Variants in UNC5C observed in about 807,000 individuals in gnomAD.
UNC5C encodes netrin receptor UNC5C.
UNC5C carries 47 observed loss-of-function variants against 99.8 expected under a neutral mutation model. That is an observed-to-expected ratio of 0.47 (90% CI 0.37 to 0.60). The LOEUF (loss-of-function observed/expected upper bound fraction) is 0.60, where lower values mean the gene tolerates loss of function less well. UNC5C is among the 20% of genes least tolerant of loss of function. UNC5C has a pLI of 0.00. For missense variants in UNC5C, 1,062 were observed against 1,165.9 expected (o/e 0.91, Z 1.30); for synonymous variants, 487 against 452.2 (o/e 1.08, Z -0.98).
At chr4:95,465,229 T>C (rs1270537320) in intron 1 of UNC5C, among the ~76,000 whole-genome samples, 14 of 152,158 alleles carry the variant, frequency 9.2e-5, no homozygotes, top group Admixed American at 6.5e-4. Flanking sequence ...ATGAGTTATT[T>C]TGAAGAGACT....
chr4:95,537,976 A>G (rs1207596509), intron 1 of UNC5C, among the ~76,000 whole-genome samples: 1 of 152,206 alleles, frequency 6.6e-6, no homozygotes, highest in Non-Finnish European at 1.5e-5. Flanking sequence ...CTTCTATGGA[A>G]ACAACTCTTT....
At chr4:95,535,320 A>C (rs1314250078) in intron 1 of UNC5C, among the ~76,000 whole-genome samples, 1 of 152,186 alleles carries the variant, frequency 6.6e-6, no homozygotes, top group African/African-American at 2.4e-5. Flanking sequence ...TTATTGGTCC[A>C]TATGACATTC....
chr4:95,183,436 C>T (rs1736698023), intron 13 of UNC5C, among the ~76,000 whole-genome samples: 1 of 152,110 alleles, frequency 6.6e-6, no homozygotes, highest in African/African-American at 2.4e-5. Context: ...CACACACCAG[C>T]CATTGCTCAT....
chr4:95,477,512 A>G (rs148806486), intron 1 of UNC5C, among the ~76,000 whole-genome samples: 1 of 152,168 alleles, frequency 6.6e-6, no homozygotes, highest in East Asian at 1.9e-4. Context: ...GAGGGGCACC[A>G]TTGCCTCCCA....
chr4:95,373,863 T>C (rs942057004), intron 1 of UNC5C, among the ~76,000 whole-genome samples: 1 of 152,198 alleles, frequency 6.6e-6, no homozygotes, highest in Non-Finnish European at 1.5e-5. Context: ...AATTATTTCA[T>C]CTTAGTTTGT....
chr4:95,235,770 G>A (rs1429222018), intron 7 of UNC5C, among the ~76,000 whole-genome samples: 2 of 152,034 alleles, frequency 1.3e-5, no homozygotes, highest in African/African-American at 4.8e-5. Flanking sequence ...TTTTTGAGTG[G>A]GCAAAGGATA....
chr4:95,341,504 A>AAG (rs1743578474), intron 1 of UNC5C, among the ~76,000 whole-genome samples: 1 of 148,608 alleles, frequency 6.7e-6, no homozygotes, highest in Admixed American at 6.8e-5. Flanking sequence ...AAGAAGAAAG[A>AAG]GAGAGAAAGA....
intron 3 of UNC5C, among the ~76,000 whole-genome samples, chr4:95,292,656 A>T (rs1741520260): frequency 6.6e-6 from 1 of 152,202 alleles, no homozygotes. Flanking sequence ...GCTATGCAGA[A>T]ACGTAATAAG....
At chr4:95,271,675 G>A (rs1007113636) in intron 4 of UNC5C, among the ~76,000 whole-genome samples, 1 of 152,150 alleles carries the variant, frequency 6.6e-6, no homozygotes, top group Non-Finnish European at 1.5e-5. Context: ...AACCCATAAA[G>A]GTGTCCCTAA....
chr4:95,194,940 C>G (rs1044534038), intron 12 of UNC5C, among the ~76,000 whole-genome samples: 11 of 152,226 alleles, frequency 7.2e-5, no homozygotes, highest in African/African-American at 2.6e-4. Context: ...CAGATTTCAT[C>G]AGAAGATGAT....
intron 2 of UNC5C, among the ~76,000 whole-genome samples, chr4:95,310,711 T>C (rs1420736260): frequency 2.0e-5 from 1 of 49,408 alleles, no homozygotes; most frequent in Admixed American, 1.8e-4. Context: ...CTTGGCTCTG[T>C]GTGGCAGCCT....
intron 1 of UNC5C, among the ~76,000 whole-genome samples, chr4:95,510,396 T>C (rs1722038987): frequency 6.6e-6 from 1 of 152,032 alleles, no homozygotes. Context: ...ATAGCTGCCT[T>C]AAAAACACTA....
intron 1 of UNC5C, among the ~76,000 whole-genome samples, chr4:95,336,599 A>G (rs1207781917): frequency 6.6e-6 from 1 of 151,846 alleles, no homozygotes; most frequent in East Asian, 1.9e-4. Flanking sequence ...GAAGATAGCC[A>G]TTGGTATAGT....
intron 14 of UNC5C, among the ~76,000 whole-genome samples, chr4:95,174,311 C>T (rs374651655): frequency 6.6e-6 from 1 of 151,888 alleles, no homozygotes; most frequent in African/African-American, 2.4e-5. Context: ...TCTTGCTTTT[C>T]TAGTTCTTTT....
chr4:95,446,268 GA>G (rs199773925), intron 1 of UNC5C, among the ~76,000 whole-genome samples: 8 of 149,042 alleles, frequency 5.4e-5, no homozygotes, highest in South Asian at 2.1e-4. Context: ...AAGGCTGTAG[GA>G]AAAAAAAAAT....
chr4:95,173,518 G>C (rs1376481965), intron 14 of UNC5C, among the ~76,000 whole-genome samples: 2 of 148,510 alleles, frequency 1.3e-5, no homozygotes, highest in Non-Finnish European at 3.0e-5. Context: ...TTTGTCTTTG[G>C]TTCTGTTTAT....
Position 95,242,412 on chromosome 4 carries a change from T to C in UNC5C, c.1108+17A>G, listed in dbSNP as rs201376636. ...TCCAGCCCCCTCAATGTCTGCAGTT[T>C]GCTTAAATTGACTTACTCTGCATGC... is the stretch of plus-strand genomic sequence containing the variant. On this transcript the variant is annotated intron_variant, in intron 7 of 15. Coordinates refer to ENST00000453304, the MANE Select transcript of UNC5C (RefSeq NM_003728.4). The C allele has an allele frequency of 3.6e-4, 573 of 1,614,038 alleles. 11 individuals carry two copies. In the South Asian group the frequency reaches 5.5e-3, roughly 15 times the overall value.
chr4:95,435,266 T>G (rs1325378542), intron 1 of UNC5C, among the ~76,000 whole-genome samples: 1 of 152,070 alleles, frequency 6.6e-6, no homozygotes, highest in East Asian at 1.9e-4. Flanking sequence ...AGGTTGATGT[T>G]CAGTTTTTCA....
At chr4:95,388,328 A>G (rs1035780022) in intron 1 of UNC5C, among the ~76,000 whole-genome samples, 9 of 152,336 alleles carry the variant, frequency 5.9e-5, no homozygotes, top group Admixed American at 1.3e-4. Flanking sequence ...GGTTTTAGAG[A>G]ATTTTTTTAT....
Sources: gnomAD v4.1 joint callset for allele counts (sites outside exome capture counted in the v4.1 genomes callset) on GRCh38, gnomAD v4.1.1 for gene constraint, MANE v1.5 for transcripts, NCBI Gene and HGNC (gene_info 2026-07-23, HGNC 2026-07-21) for gene names.